FSTL4: variants seen among roughly 807,000 people sequenced by gnomAD.
The protein encoded by FSTL4 is follistatin like 4.
In FSTL4, 28 loss-of-function variants were observed where a neutral mutation model predicts 78.2. The ratio of observed to expected loss-of-function variants is 0.36; its 90% CI spans 0.27 to 0.49. FSTL4 has a LOEUF of 0.49. Ranked by LOEUF, FSTL4 falls within the 20% of genes least tolerant of loss-of-function variation. The pLI, the probability that FSTL4 is intolerant of heterozygous loss-of-function variation, is 0.98. For synonymous variants in FSTL4, 422 were observed against 440.5 expected (o/e 0.96, Z 0.53); for missense variants, 922 against 1,084.9 (o/e 0.85, Z 2.11).
the FSTL4 span, among the ~76,000 whole-genome samples, chr5:133,704,384 A>G: frequency 2.0e-5 from 3 of 152,216 alleles, no homozygotes; most frequent in African/African-American, 7.2e-5. Flanking sequence ...CAAGAGACCA[A>G]CTTTATGGTT....
At chr5:133,461,524 A>G (rs371337154) in intron 3 of FSTL4, among the ~76,000 whole-genome samples, 13 of 150,340 alleles carry the variant, frequency 8.6e-5, no homozygotes, top group African/African-American at 3.0e-4. Flanking sequence ...GATGAATGCA[A>G]ATTTGATTTT....
the FSTL4 span, among the ~76,000 whole-genome samples, chr5:133,734,460 A>G: frequency 6.6e-6 from 1 of 152,242 alleles, no homozygotes; most frequent in African/African-American, 2.4e-5. Context: ...AAAAATTAAA[A>G]GAAAGAAAAC....
chr5:133,531,149 G>A (rs991857877), intron 3 of FSTL4, among the ~76,000 whole-genome samples: 5 of 152,186 alleles, frequency 3.3e-5, no homozygotes, highest in Admixed American at 6.5e-5. Context: ...GATCATTGAT[G>A]GGATGCTCTC....
intron 2 of FSTL4, among the ~76,000 whole-genome samples, chr5:133,593,724 A>C (rs1300193474): frequency 1.3e-5 from 2 of 152,180 alleles, no homozygotes; most frequent in African/African-American, 4.8e-5. Flanking sequence ...CTTTCTAATA[A>C]AGATGTACTT....
intron 4 of FSTL4, among the ~76,000 whole-genome samples, chr5:133,394,779 G>A (rs1169765240): frequency 6.6e-6 from 1 of 152,234 alleles, no homozygotes; most frequent in African/African-American, 2.4e-5. Flanking sequence ...CTGCAGCCCG[G>A]TGAGGGATCC....
chr5:133,778,985 G>A, the FSTL4 span, among the ~76,000 whole-genome samples: 2 of 152,188 alleles, frequency 1.3e-5, no homozygotes, highest in Non-Finnish European at 2.9e-5. Context: ...TCAGAGGAAG[G>A]TTACTTCTTG....
intron 3 of FSTL4, among the ~76,000 whole-genome samples, chr5:133,494,194 G>A (rs1758325198): frequency 6.6e-6 from 1 of 152,124 alleles, no homozygotes; most frequent in Non-Finnish European, 1.5e-5. Context: ...TTAATAACAT[G>A]TAAACCACAG....
At chr5:133,341,390 G>A (rs1195330019) in intron 4 of FSTL4, among the ~76,000 whole-genome samples, 2 of 152,112 alleles carry the variant, frequency 1.3e-5, no homozygotes, top group Non-Finnish European at 2.9e-5. Flanking sequence ...CTTCCCACAG[G>A]ACGTGAGTTG....
the FSTL4 span, among the ~76,000 whole-genome samples, chr5:133,833,728 C>T: frequency 6.6e-6 from 1 of 152,184 alleles, no homozygotes; most frequent in Non-Finnish European, 1.5e-5. Flanking sequence ...GAAAGGTATG[C>T]CATGTGACTT....
chr5:133,294,091 G>A (rs1025843748), intron 6 of FSTL4, among the ~76,000 whole-genome samples: 1 of 152,140 alleles, frequency 6.6e-6, no homozygotes, highest in African/African-American at 2.4e-5. Flanking sequence ...CCTTTGTGAA[G>A]ACTAATAGCA....
chr5:133,321,432 T>C (rs1395888878), intron 4 of FSTL4, among the ~76,000 whole-genome samples: 2 of 152,288 alleles, frequency 1.3e-5, no homozygotes, highest in East Asian at 3.9e-4. Context: ...GCCTTAGCCT[T>C]GATCCACAGG....
At chr5:133,785,064 G>A in the FSTL4 span, among the ~76,000 whole-genome samples, 1 of 152,150 alleles carries the variant, frequency 6.6e-6, no homozygotes, top group Non-Finnish European at 1.5e-5. Context: ...CTCTGAGCTC[G>A]AGAAGGAACA....
the FSTL4 span, among the ~76,000 whole-genome samples, chr5:133,773,303 A>T: frequency 6.6e-6 from 1 of 150,980 alleles, no homozygotes; most frequent in East Asian, 1.9e-4. Flanking sequence ...CTGCTCAGCC[A>T]CTGTCTTGAT....
At chr5:133,473,284 A>G (rs1757861257) in intron 3 of FSTL4, among the ~76,000 whole-genome samples, 1 of 152,236 alleles carries the variant, frequency 6.6e-6, no homozygotes, top group Non-Finnish European at 1.5e-5. Context: ...AAAGCATGTC[A>G]GCTGCTTGGC....
chr5:133,625,783 T>TGGAA, the FSTL4 span, among the ~76,000 whole-genome samples: 2 of 32,454 alleles, frequency 6.2e-5, 1 homozygote, highest in Non-Finnish European at 9.6e-5. Context: ...TATATATATA[T>TGGAA]TCCATATATA....
rs930686850 is a variant in FSTL4 at position 133,199,987 on chromosome 5, C to T, written c.1827-190G>A. 3.3e-5 allele frequency among the ~76,000 whole-genome samples: 5 copies of T among 152,216 alleles called. No individual in the cohort carries two copies. Among genetic ancestry groups the T allele is most frequent in the Non-Finnish European group, 4.4e-5 (3 of 68,046 alleles). On this transcript the variant is annotated intron_variant, in intron 15 of 15. Transcript: ENST00000265342. This position sits in a 1 kb window ranked among gnomAD's most constrained non-coding sequence, Gnocchi z 4.4. ...AAATAATCTATGATCTCAATCCAAA[C>T]GCAGTGGAGTTACAAATGTTCCTGG...
chr5:133,342,104 C>T (rs994399763), intron 4 of FSTL4, among the ~76,000 whole-genome samples: 1 of 152,092 alleles, frequency 6.6e-6, no homozygotes, highest in Non-Finnish European at 1.5e-5. Flanking sequence ...AGACGAGTGG[C>T]AGGAAAGGGA....
chr5:133,377,835 G>T (rs539507612), intron 4 of FSTL4, among the ~76,000 whole-genome samples: 2 of 152,066 alleles, frequency 1.3e-5, no homozygotes, highest in African/African-American at 2.4e-5. Context: ...CAGAGATCCA[G>T]GTGCACTCTA....
chr5:133,316,175 G>A (rs1037591162), intron 5 of FSTL4, among the ~76,000 whole-genome samples: 19 of 152,184 alleles, frequency 1.2e-4, no homozygotes, highest in African/African-American at 4.6e-4. Context: ...TAACTTTTCT[G>A]CTGAGTAACT....
Sources: gnomAD v4.1 joint callset for allele counts (sites outside exome capture counted in the v4.1 genomes callset) on GRCh38, gnomAD v4.1.1 for gene constraint, Gnocchi (gnomAD v3.1) non-coding constraint, MANE v1.5 for transcripts, NCBI Gene and HGNC (gene_info 2026-07-23, HGNC 2026-07-21) for gene names.